PTPRU: variants seen among roughly 807,000 people sequenced by gnomAD.
PTPRU encodes the protein protein tyrosine phosphatase receptor type U.
PTPRU carries 69 observed loss-of-function variants against 166.3 expected under a neutral mutation model. The observed-to-expected ratio is 0.41, with a 90% CI of 0.34 to 0.51. PTPRU has a LOEUF of 0.51. Ranked by LOEUF, PTPRU falls within the 20% of genes least tolerant of loss-of-function variation. The pLI, the probability that PTPRU is intolerant of heterozygous loss-of-function variation, is 0.09. For synonymous variants in PTPRU, 793 were observed against 814.0 expected (o/e 0.97, Z 0.44); for missense variants, 1,657 against 2,013.7 (o/e 0.82, Z 3.39).
Position 29,279,500 on chromosome 1 carries a change from G to T in PTPRU, c.1608G>T (p.Val536=). The change falls in exon 10 of 30, where the codon GTG becomes GTT. Residue 536 remains valine, a synonymous_variant. Coordinates refer to ENST00000373779, the MANE Select transcript of PTPRU (RefSeq NM_133178.4). The surrounding 1 kb of genome is among the most constrained non-coding windows in gnomAD (Gnocchi z 5.2). ...AGTCATCAGACCCGGCAGTGAACGT[G>T]CCAGGCCCACGACGTACCATCTCCA... The part of the protein sequence containing the change: ...SIESSDPAVN[V]PGPRRTISKL... 6.2e-7 allele frequency: 1 copy of T among 1,614,170 alleles called. No homozygotes were observed. The highest frequency in any genetic ancestry group is 8.5e-7 in the Non-Finnish European group (1 of 1,180,040).
Position 29,260,567 on chromosome 1 carries a change from C to T in PTPRU, c.851-43C>T. 7 of 1,435,490 alleles carry T rather than the reference C, an allele frequency of 4.9e-6. No individual in the cohort carries two copies. The highest frequency in any genetic ancestry group is 6.5e-6 in the Non-Finnish European group (7 of 1,078,694). 88.9% of individuals were successfully genotyped at this position (1,435,490 alleles called of 1,614,324 possible). On this transcript the variant is annotated intron_variant, in intron 6 of 29. Coordinates refer to ENST00000373779, the MANE Select transcript of PTPRU (RefSeq NM_133178.4). The surrounding 1 kb of genome is among the most constrained non-coding windows in gnomAD (Gnocchi z 8.3). ...CTCAGAGTTGGGTGCTGGGGTCTCACAGCAGCATCGGTCCGCCTCGCCTCT... is the reference window on the plus strand; with the variant it reads ...CTCAGAGTTGGGTGCTGGGGTCTCATAGCAGCATCGGTCCGCCTCGCCTCT...
chr1:29,288,059 C>T (rs1240124232), intron 14 of PTPRU, among the ~76,000 whole-genome samples: 1 of 152,168 alleles, frequency 6.6e-6, no homozygotes, highest in East Asian at 1.9e-4. Context: ...AGGTGATCCA[C>T]CCGCCTCGGC....
Position 29,315,958 on chromosome 1 carries a change from G to A in PTPRU, c.3364-44G>A. On this transcript the variant is annotated intron_variant, in intron 23 of 29. Transcript: ENST00000373779. This position sits in a 1 kb window ranked among gnomAD's most constrained non-coding sequence, Gnocchi z 4.5. ...TAAGCCCCATCACCACAGATCTCCAGCTTCTAGGCCCCTCCTCGGCCTCAT... is the reference window on the plus strand; with the variant it reads ...TAAGCCCCATCACCACAGATCTCCAACTTCTAGGCCCCTCCTCGGCCTCAT... The A allele has an allele frequency of 1.2e-6, 2 of 1,606,578 alleles. No individual in the cohort carries two copies. Among genetic ancestry groups the A allele is most frequent in the South Asian group, 2.2e-5 (2 of 89,888 alleles).
At chr1:29,259,600 T>TGGGGTTTTTGTGGGGGGGGGGGGGGGG in intron 5 of PTPRU, 36 bp downstream of exon 5, 1 of 253,688 alleles carries the variant, frequency 3.9e-6, no homozygotes, top group Non-Finnish European at 7.7e-6. Context: ...GGGGGCGGGG[T>TGGGGTTTTTGTGGGGGGGGGGGGGGGG]GGGAGGGGGT....
At chr1:29,313,907 C>A (rs551548452) in intron 22 of PTPRU, among the ~76,000 whole-genome samples, 1 of 152,080 alleles carries the variant, frequency 6.6e-6, no homozygotes, top group Non-Finnish European at 1.5e-5. Context: ...TGAACAGTTC[C>A]CAGAAGCCCC....
At chr1:29,285,131 C>T (rs528545871) in intron 14 of PTPRU, among the ~76,000 whole-genome samples, 1 of 152,130 alleles carries the variant, frequency 6.6e-6, no homozygotes, top group Non-Finnish European at 1.5e-5. Context: ...GAGGGGTGCT[C>T]AGTGCCTGGT....
At position 29,259,459 on chromosome 1, in the gene PTPRU, A is replaced by T. The variant is rs776339059; in HGVS notation, c.570A>T (p.Pro190=). ...GCTCTAACCCCGCAGCAAAGGCCCC[A>T]CACTTCTCCCGCCTGGGCGACGTGG... ...LLLSYPCAKA[P]HFSRLGDVEV... The change falls in exon 5 of 30, where the codon CCA becomes CCT. Residue 190 remains proline, a synonymous_variant. Coordinates refer to ENST00000373779, the MANE Select transcript of PTPRU (RefSeq NM_133178.4). The T allele has an allele frequency of 6.2e-7, 1 of 1,611,544 alleles. No homozygotes were observed. Among genetic ancestry groups the T allele is most frequent in the Non-Finnish European group, 8.5e-7 (1 of 1,178,472 alleles).
At chr1:29,247,661 CCT>C (rs1684360158) in intron 1 of PTPRU, among the ~76,000 whole-genome samples, 2 of 152,244 alleles carry the variant, frequency 1.3e-5, no homozygotes, top group African/African-American at 4.8e-5. Flanking sequence ...CGGCCCTTTT[CCT>C]CTGTCTGGCA....
chr1:29,237,488 G>T lies in PTPRU; in HGVS notation c.73+771G>T, dbSNP rs1683822590. Among the ~76,000 whole-genome samples the T allele has an allele frequency of 6.6e-6, 1 of 152,088 alleles. No individual in the cohort carries two copies. The highest frequency in any genetic ancestry group is 1.5e-5 in the Non-Finnish European group (1 of 67,992). On this transcript the variant is annotated intron_variant, in intron 1 of 29. Transcript: ENST00000373779. This position sits in a 1 kb window ranked among gnomAD's most constrained non-coding sequence, Gnocchi z 6.4. ...CAGGAATGTTGCGAGTGTGGAGCGC[G>T]CCTGGGCCGCGGCTGCGAGTGTGCC...
chr1:29,325,423 AC>A, intron 29 of PTPRU, 97 bp downstream of exon 29: 2 of 1,533,012 alleles, frequency 1.3e-6, no homozygotes, highest in Non-Finnish European at 1.8e-6. Context: ...GGGCCCCACC[AC>A]TGGGCCTTGG....
intron 2 of PTPRU, among the ~76,000 whole-genome samples, chr1:29,256,232 C>T (rs1574615898): frequency 6.6e-6 from 1 of 152,180 alleles, no homozygotes; most frequent in East Asian, 1.9e-4. Context: ...TCTTTGGGGG[C>T]CCTGATTACT....
chr1:29,272,492 C>T (rs1284831854), intron 7 of PTPRU, among the ~76,000 whole-genome samples: 2 of 152,200 alleles, frequency 1.3e-5, no homozygotes, highest in African/African-American at 2.4e-5. Context: ...TTGTGCTGTA[C>T]ATGGGGCCAG....
chr1:29,285,629 A>G (rs1686306875), intron 14 of PTPRU, among the ~76,000 whole-genome samples: 1 of 152,214 alleles, frequency 6.6e-6, no homozygotes, highest in Non-Finnish European at 1.5e-5. Flanking sequence ...GAGCCCCAGA[A>G]CGTAAGAGCT....
Position 29,238,030 on chromosome 1 carries a change from T to C in PTPRU, c.73+1313T>C, listed in dbSNP as rs1398974706. On this transcript the variant is annotated intron_variant, in intron 1 of 29. Transcript: ENST00000373779. The surrounding 1 kb of genome is among the most constrained non-coding windows in gnomAD (Gnocchi z 6.1). ...ACTCCCTTGGTGGAGCCTGCAACTTTGTGCGGCCTCCCGGCCGGCCGGGAC... is the reference window on the plus strand; with the variant it reads ...ACTCCCTTGGTGGAGCCTGCAACTTCGTGCGGCCTCCCGGCCGGCCGGGAC... 6.6e-6 allele frequency among the ~76,000 whole-genome samples: 1 copy of C among 150,920 alleles called. No homozygotes were observed. Among genetic ancestry groups the C allele is most frequent in the Non-Finnish European group, 1.5e-5 (1 of 67,610 alleles).
At chr1:29,319,318 T>C (rs1249233515) in intron 25 of PTPRU, among the ~76,000 whole-genome samples, 1 of 130,286 alleles carries the variant, frequency 7.7e-6, no homozygotes, top group Admixed American at 7.4e-5. Flanking sequence ...GAAAGGAGAC[T>C]GTCTGAGGGT....
chr1:29,323,242 GGAGT>G (rs1688242433), intron 26 of PTPRU, 125 bp from the exon 27 acceptor site: 1 of 1,266,056 alleles, frequency 7.9e-7, no homozygotes, highest in Non-Finnish European at 1.1e-6. Flanking sequence ...AGGTGAGTCT[GGAGT>G]GAGTGGGTGG....
chr1:29,274,040 G>GT (rs1009434055), intron 7 of PTPRU, among the ~76,000 whole-genome samples: 6 of 151,530 alleles, frequency 4.0e-5, no homozygotes, highest in African/African-American at 9.7e-5. Context: ...AGCATTTTTT[G>GT]TTTTTTTTGG....
chr1:29,325,485 A>G, intron 29 of PTPRU, 114 bp from the exon 30 acceptor site: 2 of 1,508,210 alleles, frequency 1.3e-6, no homozygotes, highest in Non-Finnish European at 1.8e-6. Flanking sequence ...CTTCTCCCCG[A>G]GGGCGGGCCT....
Position 29,292,037 on chromosome 1 carries a change from G to A in PTPRU, c.2476+11G>A, listed in dbSNP as rs773977381. The A allele has an allele frequency of 1.5e-5, 25 of 1,613,526 alleles. No individual in the cohort carries two copies. The highest frequency in any genetic ancestry group is 1.9e-5 in the Non-Finnish European group (22 of 1,179,730). ...GCTACAGCACCCGGGGTGAGTGCCCGGCCCTCCTACCCCTTCTTCATGGCT... is the reference window on the plus strand; with the variant it reads ...GCTACAGCACCCGGGGTGAGTGCCCAGCCCTCCTACCCCTTCTTCATGGCT... On this transcript the variant is annotated intron_variant, in intron 15 of 29. Coordinates refer to ENST00000373779, the MANE Select transcript of PTPRU (RefSeq NM_133178.4).
Sources: gnomAD v4.1 joint callset for allele counts (sites outside exome capture counted in the v4.1 genomes callset) on GRCh38, gnomAD v4.1.1 for gene constraint, Gnocchi (gnomAD v3.1) non-coding constraint, MANE v1.5 for transcripts, NCBI Gene and HGNC (gene_info 2026-07-23, HGNC 2026-07-21) for gene names.